COPG2: variants seen among roughly 807,000 people sequenced by gnomAD.
COPG2 encodes the protein coat protein complex I subunit gamma 2.
COPG2 carries 37 observed loss-of-function variants against 46.3 expected under a neutral mutation model. That is an observed-to-expected ratio of 0.80 (90% CI 0.61 to 1.05). The LOEUF is 1.05. COPG2 is among the 50% of genes least tolerant of loss of function. COPG2 has a pLI of 0.00. For synonymous variants in COPG2, 159 were observed against 129.7 expected (o/e 1.23, Z -1.53); for missense variants, 427 against 387.8 (o/e 1.10, Z -0.85).
In COPG2 at chr7:130,513,329, A is replaced by G. The variant is rs1165388891; in HGVS notation, c.2150-4670T>C. 8.9e-4 allele frequency among the ~76,000 whole-genome samples: 60 copies of G among 67,204 alleles called. 1 individual carries two copies. Among genetic ancestry groups the G allele is most frequent in the African/African-American group, 2.5e-3 (52 of 20,554 alleles). 44.1% of individuals were successfully genotyped at this position (67,204 alleles called of 152,430 possible). The stretch of plus-strand genomic sequence containing the variant: ...AAAAAATATATATATATATATATAT[A>G]TATATATATATATGTGTGTGTGTGT... On this transcript the variant is annotated intron_variant, in intron 20 of 23. Coordinates refer to ENST00000425248, the MANE Select transcript of COPG2 (RefSeq NM_012133.6).
At chr7:130,531,502 G>C (rs1799824700) in intron 20 of COPG2, among the ~76,000 whole-genome samples, 3 of 152,134 alleles carry the variant, frequency 2.0e-5, no homozygotes, top group Middle Eastern at 3.4e-3. Context: ...GGAGGCCAAA[G>C]GTAAGGACAG....
At chr7:130,642,527 T>C (rs1232288429) in intron 5 of COPG2, among the ~76,000 whole-genome samples, 3 of 152,210 alleles carry the variant, frequency 2.0e-5, no homozygotes, top group Non-Finnish European at 4.4e-5. Context: ...CTGTTTTCTT[T>C]CCAACATAAA....
At chr7:130,668,470 C>A (rs1796145170) in intron 1 of COPG2, among the ~76,000 whole-genome samples, 162 bp downstream of exon 1, 1 of 149,832 alleles carries the variant, frequency 6.7e-6, no homozygotes, top group Admixed American at 6.6e-5. Context: ...TACGGGCAGG[C>A]CCCGGGCAGC....
intron 5 of COPG2, among the ~76,000 whole-genome samples, chr7:130,630,472 T>C (rs1257358537): frequency 6.6e-6 from 1 of 152,226 alleles, no homozygotes; most frequent in Non-Finnish European, 1.5e-5. Flanking sequence ...ATTTTCTACA[T>C]AGACAATGTC....
chr7:130,564,420 A>C (rs1793769539), intron 9 of COPG2, 27 bp from the exon 10 acceptor site: 2 of 398,420 alleles, frequency 5.0e-6, no homozygotes, highest in Non-Finnish European at 8.8e-6. Context: ...ATAGGCCATT[A>C]TTTAGATATC....
chr7:130,664,280 T>C (rs1028070887), intron 3 of COPG2, among the ~76,000 whole-genome samples: 4 of 152,352 alleles, frequency 2.6e-5, no homozygotes, highest in African/African-American at 4.8e-5. Context: ...CTATTTGCCA[T>C]AGGTATAAGA....
intron 9 of COPG2, among the ~76,000 whole-genome samples, chr7:130,589,204 G>C (rs567454654): frequency 1.3e-5 from 2 of 152,060 alleles, no homozygotes; most frequent in South Asian, 2.1e-4. Context: ...ATGTTTCCTT[G>C]TGAAAGTGTA....
Position 130,646,955 on chromosome 7 carries a change from ATG to A in COPG2, c.323+5912_323+5913del, listed in dbSNP as rs1795609732. Among the ~76,000 whole-genome samples, 5 of 104,908 alleles carry A rather than the reference ATG, an allele frequency of 4.8e-5. No homozygotes were observed. In the East Asian group the frequency reaches 6.6e-4, roughly 14 times the overall value. 68.8% of individuals were successfully genotyped at this position (104,908 alleles called of 152,430 possible). A position where few individuals can be genotyped will look rare whatever the true frequency, so the allele number is the denominator to read the frequency against. ...TATATATATATACGTATATATATAT[ATG>A]CATATATATATGTGTATATATATAT... On this transcript the variant is annotated intron_variant, in intron 5 of 23. Transcript: ENST00000425248.
At chr7:130,546,697 G>C (rs1181242842) in intron 20 of COPG2, 1 of 152,208 alleles carries the variant, frequency 6.6e-6, no homozygotes, top group Non-Finnish European at 1.5e-5. Context: ...GGGCTCCCAG[G>C]AACCAACATC....
intron 3 of COPG2, among the ~76,000 whole-genome samples, chr7:130,663,991 G>A (rs1394182930): frequency 1.3e-5 from 2 of 151,862 alleles, no homozygotes; most frequent in African/African-American, 4.8e-5. Context: ...CACCTGCCTC[G>A]GCCTCCCAAA....
intron 9 of COPG2, among the ~76,000 whole-genome samples, chr7:130,594,339 C>A (rs1305978464): frequency 6.6e-6 from 1 of 152,030 alleles, no homozygotes; most frequent in Non-Finnish European, 1.5e-5. Flanking sequence ...ATCTCTATCC[C>A]ACAGCATACA....
chr7:130,605,822 A>G lies in COPG2; in HGVS notation c.737+5131T>C, dbSNP rs141505703. ...GAGGCCTGTGTCAGACTTCTAATCT[A>G]CAGATCTGAGATAATAAATGGATCT... On this transcript the variant is annotated intron_variant, in intron 9 of 23. Coordinates refer to ENST00000425248, the MANE Select transcript of COPG2 (RefSeq NM_012133.6). The G allele has an allele frequency of 1.4e-4, 74 of 517,438 alleles. No homozygotes were observed. In the East Asian group the frequency reaches 3.2e-3, roughly 23 times the overall value. The allele number at this position is 517,438 out of a possible 1,614,324, so 32.1% of individuals were successfully genotyped here.
At chr7:130,511,481 C>A (rs1054424666) in intron 20 of COPG2, 1 of 519,586 alleles carries the variant, frequency 1.9e-6, no homozygotes, top group Non-Finnish European at 3.8e-6. Context: ...TGTGGGAATG[C>A]TGTACAAATG....
intron 9 of COPG2, among the ~76,000 whole-genome samples, chr7:130,587,699 A>G (rs1794303051): frequency 1.3e-5 from 2 of 152,258 alleles, no homozygotes; most frequent in South Asian, 4.1e-4. Context: ...CCTAGAAGAA[A>G]ACCTAGGCAA....
At chr7:130,524,044 A>G (rs1272786734) in intron 20 of COPG2, among the ~76,000 whole-genome samples, 7 of 152,126 alleles carry the variant, frequency 4.6e-5, no homozygotes, top group Non-Finnish European at 1.0e-4. Flanking sequence ...GGAAGAAGGT[A>G]GGAAATTCAC....
intron 5 of COPG2, among the ~76,000 whole-genome samples, chr7:130,632,376 T>C (rs1306089096): frequency 6.6e-6 from 1 of 152,220 alleles, no homozygotes; most frequent in East Asian, 1.9e-4. Context: ...TTTCAACAGT[T>C]TTCCTCATCT....
chr7:130,508,220 A>G (rs1799534534), intron 21 of COPG2: 1 of 252,078 alleles, frequency 4.0e-6, no homozygotes, highest in African/African-American at 2.2e-5. Context: ...AAAAACAAAA[A>G]ACCAAAAAAC....
intron 10 of COPG2, among the ~76,000 whole-genome samples, chr7:130,563,765 A>G (rs1793756830): frequency 9.3e-6 from 1 of 107,152 alleles, no homozygotes; most frequent in East Asian, 2.5e-4. Flanking sequence ...CAAAAAAAAA[A>G]AAAAAAAAGA....
chr7:130,597,688 T>C (rs1794556097), intron 9 of COPG2, among the ~76,000 whole-genome samples: 1 of 151,994 alleles, frequency 6.6e-6, no homozygotes, highest in Non-Finnish European at 1.5e-5. Flanking sequence ...TGAGCTATAA[T>C]AAAATAAGGG....
Sources: allele counts gnomAD v4.1 joint callset (sites outside exome capture counted in the v4.1 genomes callset), GRCh38; gene constraint gnomAD v4.1.1; transcripts MANE v1.5; gene names NCBI Gene and HGNC (gene_info 2026-07-23, HGNC 2026-07-21).